The following PCBP3 variants were observed in gnomAD, a reference collection of about 807,000 sequenced individuals.
PCBP3 encodes poly(rC)-binding protein 3.
In PCBP3, 25 loss-of-function variants were observed where a neutral mutation model predicts 52.7. The observed-to-expected ratio is 0.47, with a 90% CI of 0.35 to 0.66. PCBP3 has a LOEUF of 0.66. PCBP3 is among the 30% of genes least tolerant of loss of function. The pLI, the probability that PCBP3 is intolerant of heterozygous loss-of-function variation, is 0.01. For synonymous variants in PCBP3, 162 were observed against 183.0 expected, an observed-to-expected ratio of 0.89 and a Z score of 0.93; for missense variants, 391 against 490.3, an observed-to-expected ratio of 0.80 and a Z score of 1.91.
chr21:45,914,185 C>A, intron 12 of PCBP3, 160 bp downstream of exon 12: 1 of 1,256,822 alleles, frequency 8.0e-7, no homozygotes, highest in Non-Finnish European at 1.1e-6. Flanking sequence ...CAGCACCAGG[C>A]GGACGCAGGG....
In PCBP3 at chr21:45,701,871, T is replaced by G. The variant is rs149939634; in HGVS notation, c.-200+32919T>G. Among the ~76,000 whole-genome samples the G allele has an allele frequency of 5.8e-3, 882 of 152,318 alleles. 9 individuals carry two copies. Among genetic ancestry groups the G allele is most frequent in the African/African-American group, 0.02 (851 of 41,576 alleles). On this transcript the variant is annotated intron_variant, in intron 2 of 17. Transcript: ENST00000681687. The stretch of plus-strand genomic sequence containing the variant: ...CACCTCACCCAGCCCCAAAATAACA[T>G]TTTAATAAAAAGAACTATATTTTAT...
Position 45,935,318 on chromosome 21 carries a change from G to C in PCBP3, c.909+13G>C. ...CATTCCCAATGATGTGAGTATGCCCGCTGTACCTGCCTGTCCCTGGGTAGA... is the reference window on the plus strand; with the variant it reads ...CATTCCCAATGATGTGAGTATGCCCCCTGTACCTGCCTGTCCCTGGGTAGA... On this transcript the variant is annotated intron_variant, in intron 16 of 17. Transcript: ENST00000681687. 3 of 1,600,416 alleles carry C rather than the reference G, an allele frequency of 1.9e-6. No individual in the cohort carries two copies. Among genetic ancestry groups the C allele is most frequent in the Non-Finnish European group, 2.6e-6 (3 of 1,169,740 alleles).
intron 4 of PCBP3, among the ~76,000 whole-genome samples, chr21:45,814,210 C>T (rs2092761923): frequency 1.3e-5 from 2 of 152,340 alleles, no homozygotes; most frequent in East Asian, 1.9e-4. Flanking sequence ...GAATGGCACA[C>T]CTGGGTAGGG....
chr21:45,897,360 G>A (rs530351262), intron 6 of PCBP3, among the ~76,000 whole-genome samples: 228 of 152,226 alleles, frequency 1.5e-3, no homozygotes, highest in African/African-American at 5.4e-3. Context: ...CTGTGCAGTC[G>A]GCACTTTCTG....
chr21:45,648,859 G>A (rs1230609002), intron 1 of PCBP3, among the ~76,000 whole-genome samples: 2 of 152,154 alleles, frequency 1.3e-5, no homozygotes, highest in African/African-American at 4.8e-5. Context: ...CTTTTTAGAA[G>A]TTCTTTACAT....
intron 4 of PCBP3, among the ~76,000 whole-genome samples, chr21:45,777,355 T>A (rs1175000791): frequency 6.6e-6 from 1 of 152,250 alleles, no homozygotes; most frequent in African/African-American, 2.4e-5. Flanking sequence ...ATTTGCTCTT[T>A]ATCTTTGGCT....
At chr21:45,935,056 G>T (rs946039963) in intron 15 of PCBP3, among the ~76,000 whole-genome samples, 197 bp from the exon 16 acceptor site, 1 of 152,334 alleles carries the variant, frequency 6.6e-6, no homozygotes, top group East Asian at 1.9e-4. Flanking sequence ...TTTGAGAGAG[G>T]TTGGGACTAA....
chr21:45,653,138 A>G lies in PCBP3; in HGVS notation c.-279+9270A>G, dbSNP rs116256298. Among the ~76,000 whole-genome samples the G allele has an allele frequency of 6.8e-3, 1,030 of 152,302 alleles. 14 individuals are homozygous for G. The highest frequency in any genetic ancestry group is 0.024 in the African/African-American group (993 of 41,566). Reference sequence around the variant, plus strand: ...GCTTTCTATGATTTTAATCCTTTGAAATATGCTGATTTGCCTTGTAGCCCA... The same window carrying G: ...GCTTTCTATGATTTTAATCCTTTGAGATATGCTGATTTGCCTTGTAGCCCA... On this transcript the variant is annotated intron_variant, in intron 1 of 17. Coordinates refer to ENST00000681687, the MANE Select transcript of PCBP3 (RefSeq NM_001384156.1).
chr21:45,652,640 A>G (rs2079764988), intron 1 of PCBP3, among the ~76,000 whole-genome samples: 1 of 151,912 alleles, frequency 6.6e-6, no homozygotes, highest in African/African-American at 2.4e-5. Flanking sequence ...ACGGGGTTTC[A>G]CCATGTTGGC....
chr21:45,836,703 G>A (rs913005808), intron 4 of PCBP3, among the ~76,000 whole-genome samples: 4 of 151,864 alleles, frequency 2.6e-5, no homozygotes, highest in Non-Finnish European at 4.4e-5. Context: ...CTTCTTTACC[G>A]TGATCCTGCA....
At chr21:45,914,133 G>A (rs779883888) in intron 12 of PCBP3, 108 bp downstream of exon 12, 21 of 1,567,224 alleles carry the variant, frequency 1.3e-5, no homozygotes, top group East Asian at 7.2e-5. Context: ...TCACGTGCAC[G>A]TCTCCCACCC....
chr21:45,718,942 A>G (rs1263332419), intron 2 of PCBP3, among the ~76,000 whole-genome samples: 1 of 152,234 alleles, frequency 6.6e-6, no homozygotes. Flanking sequence ...AAAGAACAGC[A>G]GTGGAGAGCT....
In PCBP3 at chr21:45,827,624, A is replaced by G. The variant is rs1007875851; in HGVS notation, c.-125-22337A>G. On this transcript the variant is annotated intron_variant, in intron 4 of 17. Transcript: ENST00000681687. This position sits in a 1 kb window ranked among gnomAD's most constrained non-coding sequence, Gnocchi z 4.3. The stretch of plus-strand genomic sequence containing the variant: ...TTTCAGAACTGAAAGTACAGCCACC[A>G]GAATTTAGAAATTCACATTGTACAC... Among the ~76,000 whole-genome samples the G allele has an allele frequency of 5.9e-5, 9 of 152,254 alleles. No homozygotes were observed. The highest frequency in any genetic ancestry group is 1.9e-4 in the African/African-American group (8 of 41,474).
chr21:45,876,792 A>G (rs1440204935), intron 5 of PCBP3, among the ~76,000 whole-genome samples: 1 of 152,240 alleles, frequency 6.6e-6, no homozygotes, highest in Non-Finnish European at 1.5e-5. Context: ...TCCCTCCCAC[A>G]GTCACATCCC....
intron 8 of PCBP3, 63 bp from the exon 9 acceptor site, chr21:45,900,934 C>A: frequency 8.6e-7 from 1 of 1,164,130 alleles, no homozygotes; most frequent in Non-Finnish European, 1.3e-6. Flanking sequence ...GGACTTGCGG[C>A]CCCCGACCCA....
intron 4 of PCBP3, among the ~76,000 whole-genome samples, chr21:45,834,684 C>T (rs2093539140): frequency 6.6e-6 from 1 of 152,254 alleles, no homozygotes; most frequent in South Asian, 2.1e-4. Flanking sequence ...CCAATAGACT[C>T]CAAAGGAAGC....
chr21:45,691,517 A>T (rs576777192), intron 2 of PCBP3, among the ~76,000 whole-genome samples: 2 of 150,576 alleles, frequency 1.3e-5, no homozygotes, highest in African/African-American at 4.9e-5. Flanking sequence ...CCTCAAATAG[A>T]TGAATTTGAT....
At chr21:45,933,289 A>G (rs1436538778) in intron 15 of PCBP3, among the ~76,000 whole-genome samples, 1 of 152,232 alleles carries the variant, frequency 6.6e-6, no homozygotes, top group East Asian at 1.9e-4. Context: ...AGGGATGAAC[A>G]CCTGGGCCTT....
At chr21:45,882,284 T>A (rs1487686447) in intron 5 of PCBP3, among the ~76,000 whole-genome samples, 1 of 152,256 alleles carries the variant, frequency 6.6e-6, no homozygotes, top group Non-Finnish European at 1.5e-5. Context: ...TTAGTGATGT[T>A]GTGCACTTTT....
Sources: allele counts gnomAD v4.1 joint callset (sites outside exome capture counted in the v4.1 genomes callset), GRCh38; gene constraint gnomAD v4.1.1; non-coding constraint Gnocchi (gnomAD v3.1); transcripts MANE v1.5; gene names NCBI Gene and HGNC (gene_info 2026-07-23, HGNC 2026-07-21).